The following ADGRL3 variants were observed in gnomAD, a reference collection of about 807,000 sequenced individuals.
ADGRL3 encodes the protein adhesion G protein-coupled receptor L3.
A neutral mutation model predicts 153.5 loss-of-function variants in ADGRL3; 62 were observed. That is an observed-to-expected ratio of 0.40 (90% confidence interval 0.33 to 0.50). ADGRL3 has a LOEUF of 0.50. Ranked by LOEUF, ADGRL3 falls within the 20% of genes least tolerant of loss-of-function variation. The pLI is 0.47. For missense variants in ADGRL3, 1,641 were observed against 1,859.4 expected, an observed-to-expected ratio of 0.88 and a Z score of 2.16; for synonymous variants, 710 against 672.5, an observed-to-expected ratio of 1.06 and a Z score of -0.86.
rs575519162 is a variant in ADGRL3, at chr4:61,387,517, A to C, written c.-174+4328A>C. Reference sequence around the variant, plus strand: ...GAGACGACCACGCCCCAGGGGGACCAGTTTAGAGACCCACCCCCAGGTGCA... The same window carrying C: ...GAGACGACCACGCCCCAGGGGGACCCGTTTAGAGACCCACCCCCAGGTGCA... On this transcript the variant is annotated intron_variant, in intron 2 of 26. Transcript: ENST00000683033. Among the ~76,000 whole-genome samples, 4 of 152,224 alleles carry C rather than the reference A, an allele frequency of 2.6e-5. No individual in the cohort carries two copies. The East Asian group carries it at 7.7e-4, about 29-fold the overall frequency.
intron 3 of ADGRL3, 149 bp downstream of exon 3, chr4:61,497,497 T>G (rs1465554703): frequency 2.0e-6 from 1 of 505,044 alleles, no homozygotes; most frequent in South Asian, 3.3e-5. Flanking sequence ...GAACATAATG[T>G]GTATTTCCTT....
At chr4:61,695,139 A>G (rs1457809341) in intron 6 of ADGRL3, among the ~76,000 whole-genome samples, 1 of 152,212 alleles carries the variant, frequency 6.6e-6, no homozygotes, top group Non-Finnish European at 1.5e-5. Flanking sequence ...TCTCCCATGA[A>G]TCACAAATGT....
intron 2 of ADGRL3, among the ~76,000 whole-genome samples, chr4:61,434,635 A>C (rs376099200): frequency 6.3e-4 from 96 of 152,036 alleles, no homozygotes; most frequent in African/African-American, 2.2e-3. Flanking sequence ...CTATTTTTAA[A>C]ATGTTCTCAA....
At chr4:61,712,399 CA>C (rs1186840967) in intron 6 of ADGRL3, among the ~76,000 whole-genome samples, 1 of 147,592 alleles carries the variant, frequency 6.8e-6, no homozygotes, top group African/African-American at 2.5e-5. Context: ...TGTCCTAGGC[CA>C]AAAAAAGAAA....
intron 4 of ADGRL3, among the ~76,000 whole-genome samples, chr4:61,537,756 A>G (rs2098665753): frequency 6.6e-6 from 1 of 152,150 alleles, no homozygotes; most frequent in Admixed American, 6.5e-5. Flanking sequence ...ATTCTTCACT[A>G]TCACTATACT....
intron 1 of ADGRL3, 38 bp from the exon 2 acceptor site, chr4:61,383,086 C>A (rs1001084665): frequency 6.6e-6 from 1 of 151,550 alleles, no homozygotes; most frequent in African/African-American, 2.4e-5. Flanking sequence ...TTTAATTTTT[C>A]TCATAATCAA....
At chr4:61,523,058 C>CGA (rs2098540276) in intron 4 of ADGRL3, among the ~76,000 whole-genome samples, 1 of 150,456 alleles carries the variant, frequency 6.6e-6, no homozygotes, top group Admixed American at 6.6e-5. Context: ...GAAAATTGTG[C>CGA]GTGTGTGTGT....
At position 62,016,391 on chromosome 4, in the gene ADGRL3, C is replaced by T. The variant is rs992719483; in HGVS notation, c.3396-12464C>T. The stretch of plus-strand genomic sequence containing the variant: ...TTTTATTTGTCTCAGTTTTACAATT[C>T]GTGTTACAATCTTTAATCTCTTTGA... On this transcript the variant is annotated intron_variant, in intron 21 of 26. Transcript: ENST00000683033. Among the ~76,000 whole-genome samples the T allele has an allele frequency of 3.3e-5, 5 of 152,190 alleles. No individual in the cohort carries two copies. In the East Asian group the frequency reaches 5.8e-4, roughly 18 times the overall value.
At chr4:61,454,401 T>C (rs900667863) in intron 2 of ADGRL3, among the ~76,000 whole-genome samples, 2 of 152,194 alleles carry the variant, frequency 1.3e-5, no homozygotes, top group Non-Finnish European at 2.9e-5. Flanking sequence ...ACAACTGTTT[T>C]GCATTTTAAA....
chr4:61,374,351 G>A (rs1456861), intron 1 of ADGRL3, among the ~76,000 whole-genome samples: 82,498 of 151,950 alleles, frequency 0.54, 24,281 homozygotes, highest in Middle Eastern at 0.75. Flanking sequence ...GTATAGGAAA[G>A]AAAGAATAAG....
chr4:61,731,023 G>T lies in ADGRL3; in HGVS notation c.598+387G>T, dbSNP rs760919996. Among the ~76,000 whole-genome samples, 4 of 151,724 alleles carry T rather than the reference G, an allele frequency of 2.6e-5. 1 individual carries two copies. Among genetic ancestry groups the T allele is most frequent in the Non-Finnish European group, 5.9e-5 (4 of 67,818 alleles). ...TTGGGGAAAAGGGAAAAAGTTTTTC[G>T]AACCACCTAAAGTAAGTTACTTTAG... is the stretch of plus-strand genomic sequence containing the variant. On this transcript the variant is annotated intron_variant, in intron 7 of 26. Coordinates refer to ENST00000683033, the MANE Select transcript of ADGRL3 (RefSeq NM_001387552.1).
chr4:61,403,119 G>A (rs1470579912), intron 2 of ADGRL3, among the ~76,000 whole-genome samples: 1 of 151,886 alleles, frequency 6.6e-6, no homozygotes, highest in Non-Finnish European at 1.5e-5. Context: ...TAATCCTACT[G>A]GGAAAAGGCT....
At chr4:61,614,197 G>A (rs922137334) in intron 5 of ADGRL3, among the ~76,000 whole-genome samples, 1 of 152,152 alleles carries the variant, frequency 6.6e-6, no homozygotes, top group African/African-American at 2.4e-5. Context: ...AAATTCAAAG[G>A]CTACCAGCAT....
chr4:61,826,721 G>A (rs9942184), intron 9 of ADGRL3, among the ~76,000 whole-genome samples: 59,368 of 151,766 alleles, frequency 0.39, 12,483 homozygotes, highest in East Asian at 0.62. Context: ...CTTAGAGAGA[G>A]GTAAATCCAA....
At position 61,662,409 on chromosome 4, in the gene ADGRL3, T is replaced by G. The variant is rs577238415; in HGVS notation, c.474-14417T>G. Among the ~76,000 whole-genome samples, 49 of 152,344 alleles carry G rather than the reference T, an allele frequency of 3.2e-4. No homozygotes were observed. In the South Asian group the frequency reaches 9.7e-3, roughly 30 times the overall value. Reference sequence around the variant, plus strand: ...TCTCACATCAGTTTTGGAGCAAAGTTTAGGCTAAGCCTGAGCGCTGTTGCA... The same window carrying G: ...TCTCACATCAGTTTTGGAGCAAAGTGTAGGCTAAGCCTGAGCGCTGTTGCA... On this transcript the variant is annotated intron_variant, in intron 5 of 26. Transcript: ENST00000683033.
At chr4:61,575,828 A>G (rs2098874139) in intron 4 of ADGRL3, among the ~76,000 whole-genome samples, 1 of 151,988 alleles carries the variant, frequency 6.6e-6, no homozygotes, top group Admixed American at 6.6e-5. Flanking sequence ...CAGAACCTTT[A>G]TTTTAATCTA....
intron 8 of ADGRL3, among the ~76,000 whole-genome samples, chr4:61,785,919 C>A (rs1468555918): frequency 6.6e-6 from 1 of 152,134 alleles, no homozygotes; most frequent in Admixed American, 6.5e-5. Context: ...GAGGCTGAAG[C>A]AGGAGAATCT....
At chr4:61,309,378 A>G (rs2094916227) in intron 1 of ADGRL3, among the ~76,000 whole-genome samples, 1 of 152,172 alleles carries the variant, frequency 6.6e-6, no homozygotes, top group African/African-American at 2.4e-5. Flanking sequence ...ATTAAAATGC[A>G]GCTTAGTAAC....
rs150440128 is a variant in ADGRL3, at chr4:62,025,030, G to T, written c.3396-3825G>T. ...AATAATATAATTTCAGGATGGTATA[G>T]TCCCATCAACATAAGGTACATTTGG... On this transcript the variant is annotated intron_variant, in intron 21 of 26. Coordinates refer to ENST00000683033, the MANE Select transcript of ADGRL3 (RefSeq NM_001387552.1). Among the ~76,000 whole-genome samples the T allele has an allele frequency of 6.7e-4, 101 of 151,752 alleles. 1 individual carries two copies. Among genetic ancestry groups the T allele is most frequent in the African/African-American group, 2.3e-3 (97 of 41,372 alleles).
Sources: allele counts gnomAD v4.1 joint callset (sites outside exome capture counted in the v4.1 genomes callset), GRCh38; gene constraint gnomAD v4.1.1; transcripts MANE v1.5; gene names NCBI Gene and HGNC (gene_info 2026-07-23, HGNC 2026-07-21).